The following LHFPL6 variants were observed in gnomAD, a reference collection of about 807,000 sequenced individuals.
The protein encoded by LHFPL6 is LHFPL tetraspan subfamily member 6, also known as LHFPL tetraspan subfamily member 6 protein.
LHFPL6 carries 9 observed loss-of-function variants against 20.6 expected under a neutral mutation model. The observed-to-expected ratio is 0.44, with a 90% CI of 0.26 to 0.76. LHFPL6 has a LOEUF of 0.76. Among genes scored for constraint, LHFPL6 ranks in the 30% least tolerant of loss-of-function variants. The pLI is 0.20. For missense variants in LHFPL6, 218 were observed against 253.5 expected, an observed-to-expected ratio of 0.86 and a Z score of 0.95; for synonymous variants, 105 against 98.7, an observed-to-expected ratio of 1.06 and a Z score of -0.38.
At chr13:39,511,323 TAC>T (rs1467730373) in intron 2 of LHFPL6, among the ~76,000 whole-genome samples, 4 of 152,198 alleles carry the variant, frequency 2.6e-5, no homozygotes, top group Non-Finnish European at 4.4e-5. Context: ...ATATTATACA[TAC>T]AGTCATTTTT....
At chr13:39,500,550 C>T (rs577381527) in intron 2 of LHFPL6, among the ~76,000 whole-genome samples, 28 of 152,204 alleles carry the variant, frequency 1.8e-4, no homozygotes, top group South Asian at 6.2e-4. Context: ...CCACCGTGCC[C>T]GGCCCCCATC....
chr13:39,477,401 T>A (rs1340189852), intron 2 of LHFPL6, among the ~76,000 whole-genome samples: 2 of 152,200 alleles, frequency 1.3e-5, no homozygotes, highest in East Asian at 1.9e-4. Flanking sequence ...TCTATTTGCA[T>A]CTCTACCACA....
At chr13:39,589,026 G>A (rs564563600) in intron 2 of LHFPL6, among the ~76,000 whole-genome samples, 46 of 152,316 alleles carry the variant, frequency 3.0e-4, no homozygotes, top group African/African-American at 1.1e-3. Flanking sequence ...ATTTACTGAA[G>A]TGATAAGCAG....
rs561671421 is a variant in LHFPL6, at chr13:39,417,091, G to C, written c.386-38565C>G. Among the ~76,000 whole-genome samples, 3 of 152,256 alleles carry C rather than the reference G, an allele frequency of 2.0e-5. No individual in the cohort carries two copies. In the South Asian group the frequency reaches 6.2e-4, roughly 32 times the overall value. ...TTAACTCCAGGAAGAAACAAAGGTG[G>C]GATAGGCCAAGTTGCTTTTATTACA... On this transcript the variant is annotated intron_variant, in intron 2 of 3. Transcript: ENST00000379589.
chr13:39,431,076 T>A (rs931023211), intron 2 of LHFPL6, among the ~76,000 whole-genome samples: 1 of 151,958 alleles, frequency 6.6e-6, no homozygotes, highest in African/African-American at 2.4e-5. Context: ...AAAAAACAAC[T>A]CCAGACACGC....
intron 3 of LHFPL6, among the ~76,000 whole-genome samples, chr13:39,344,718 T>G (rs1293483287): frequency 6.6e-6 from 1 of 152,210 alleles, no homozygotes; most frequent in East Asian, 1.9e-4. Flanking sequence ...ATATTAAAAA[T>G]ATGTAAGTAG....
chr13:39,468,574 C>T (rs1872862381), intron 2 of LHFPL6, among the ~76,000 whole-genome samples: 1 of 152,140 alleles, frequency 6.6e-6, no homozygotes, highest in Non-Finnish European at 1.5e-5. Flanking sequence ...CATGATGTAT[C>T]TCTTCATCCT....
At chr13:39,385,968 T>C (rs1201901108) in intron 2 of LHFPL6, among the ~76,000 whole-genome samples, 2 of 152,218 alleles carry the variant, frequency 1.3e-5, no homozygotes, top group Non-Finnish European at 1.5e-5. Flanking sequence ...GGAATGACTT[T>C]TTCCACCCTT....
At chr13:39,487,836 C>G (rs1460392727) in intron 2 of LHFPL6, among the ~76,000 whole-genome samples, 1 of 152,136 alleles carries the variant, frequency 6.6e-6, no homozygotes, top group African/African-American at 2.4e-5. Context: ...ACCTGAGGTC[C>G]GGAGTTTCAG....
chr13:39,600,030 G>T (rs1387002942), intron 2 of LHFPL6, among the ~76,000 whole-genome samples: 1 of 152,174 alleles, frequency 6.6e-6, no homozygotes, highest in Non-Finnish European at 1.5e-5. Context: ...GAAGAATGGA[G>T]GTGAAAAGCA....
At chr13:39,546,555 C>T (rs1283951186) in intron 2 of LHFPL6, among the ~76,000 whole-genome samples, 1 of 152,180 alleles carries the variant, frequency 6.6e-6, no homozygotes, top group Non-Finnish European at 1.5e-5. Flanking sequence ...TAGGATAAAC[C>T]AGCCATCTGG....
At chr13:39,461,310 G>A (rs1872682584) in intron 2 of LHFPL6, among the ~76,000 whole-genome samples, 1 of 152,138 alleles carries the variant, frequency 6.6e-6, no homozygotes, top group Non-Finnish European at 1.5e-5. Context: ...GTGTGCATGT[G>A]TCTTTTTAGT....
chr13:39,399,291 G>C (rs1022249530), intron 2 of LHFPL6, among the ~76,000 whole-genome samples: 3 of 152,144 alleles, frequency 2.0e-5, no homozygotes, highest in African/African-American at 7.2e-5. Context: ...ACAGTCTAAA[G>C]TGGTTTTACA....
chr13:39,397,651 T>C (rs907259725), intron 2 of LHFPL6, among the ~76,000 whole-genome samples: 1 of 152,226 alleles, frequency 6.6e-6, no homozygotes, highest in African/African-American at 2.4e-5. Flanking sequence ...TTGTGGAGTT[T>C]CTCCTCTCCA....
intron 2 of LHFPL6, among the ~76,000 whole-genome samples, chr13:39,495,622 T>C (rs1869074582): frequency 6.6e-6 from 1 of 151,326 alleles, no homozygotes. Flanking sequence ...TTTTTGTAAG[T>C]ATATGATCGT....
intron 2 of LHFPL6, among the ~76,000 whole-genome samples, chr13:39,503,457 C>A (rs1379153979): frequency 6.6e-6 from 1 of 152,184 alleles, no homozygotes; most frequent in African/African-American, 2.4e-5. Context: ...AACTCCCAAT[C>A]CCCTCCTGCC....
At chr13:39,562,417 C>CATATACATATATACATAT (rs1214743348) in intron 2 of LHFPL6, among the ~76,000 whole-genome samples, 21,550 of 56,628 alleles carry the variant, frequency 0.38, 5,151 homozygotes, top group Middle Eastern at 0.54. Flanking sequence ...CACATATACA[C>CATATACATATATACATAT]ATATACATAT....
At chr13:39,569,900 A>G (rs538270267) in intron 2 of LHFPL6, among the ~76,000 whole-genome samples, 2 of 152,342 alleles carry the variant, frequency 1.3e-5, no homozygotes, top group South Asian at 4.1e-4. Flanking sequence ...GGATGAAACA[A>G]CTTTTGGAGT....
At chr13:39,368,192 A>T (rs1357341421) in intron 3 of LHFPL6, among the ~76,000 whole-genome samples, 6 of 151,426 alleles carry the variant, frequency 4.0e-5, no homozygotes, top group Admixed American at 4.0e-4. Flanking sequence ...TTAGCCGGGC[A>T]TTGTTGTGCA....
Sources: allele counts gnomAD v4.1 joint callset (sites outside exome capture counted in the v4.1 genomes callset), GRCh38; gene constraint gnomAD v4.1.1; transcripts MANE v1.5; gene names NCBI Gene and HGNC (gene_info 2026-07-23, HGNC 2026-07-21).